FANCE: variants seen among roughly 807,000 people sequenced by gnomAD.
FANCE encodes FA complementation group E, also known as Fanconi anemia group E protein.
Under a neutral mutation model 57.8 loss-of-function variants are expected in FANCE, and 42 were observed. The observed-to-expected ratio is 0.73, with a 90% CI of 0.57 to 0.94. The LOEUF (loss-of-function observed/expected upper bound fraction) is 0.94, where lower values mean the gene tolerates loss of function less well. Among genes scored for constraint, FANCE ranks in the 40% least tolerant of loss-of-function variants. FANCE has a pLI of 0.00. For synonymous variants in FANCE, 251 were observed against 286.4 expected, an observed-to-expected ratio of 0.88 and a Z score of 1.25; for missense variants, 608 against 661.8, an observed-to-expected ratio of 0.92 and a Z score of 0.89.
chr6:35,460,426 C>G, intron 7 of FANCE, 126 bp from the exon 8 acceptor site: 1 of 912,582 alleles, frequency 1.1e-6, no homozygotes, highest in Non-Finnish European at 1.8e-6. Context: ...CCTGACTACC[C>G]CTTTGTTGGC....
chr6:35,462,723 A>AATCCC, intron 8 of FANCE, 66 bp from the exon 9 acceptor site: 1 of 1,609,474 alleles, frequency 6.2e-7, no homozygotes, highest in South Asian at 1.1e-5. Flanking sequence ...AATTGAATCC[A>AATCCC]GGACTGGCTG....
chr6:35,461,298 A>G (rs1005852187), intron 8 of FANCE, among the ~76,000 whole-genome samples: 10 of 152,244 alleles, frequency 6.6e-5, no homozygotes, highest in African/African-American at 2.4e-4. Flanking sequence ...GGCTGGGATT[A>G]AAAGCGTGAG....
Position 35,466,593 on chromosome 6 carries a change from A to G in FANCE, c.*248A>G. 6.0e-6 allele frequency: 3 copies of G among 499,178 alleles called. No individual in the cohort carries two copies. Among genetic ancestry groups the G allele is most frequent in the East Asian group, 7.0e-5 (2 of 28,702 alleles). 30.9% of individuals were successfully genotyped at this position (499,178 alleles called of 1,614,324 possible). On this transcript the variant is annotated 3_prime_UTR_variant, in exon 10 of 10. Transcript: ENST00000229769. Reference sequence around the variant, plus strand: ...ATTTCTTTTGTTTTTGAGAGAAGGTATTGCTCTGTCATCCAGGCTGGAGTG... The same window carrying G: ...ATTTCTTTTGTTTTTGAGAGAAGGTGTTGCTCTGTCATCCAGGCTGGAGTG...
chr6:35,459,471 C>G lies in FANCE; in HGVS notation c.1237+17C>G, dbSNP rs1767500334. ...CAGGCACAGGTAATTCTGGAACCAG[C>G]CCCAGGCCCAGTAGCTCTGCCCTCA... On this transcript the variant is annotated intron_variant, in intron 6 of 9. Coordinates refer to ENST00000229769, the MANE Select transcript of FANCE (RefSeq NM_021922.3). 3.7e-6 allele frequency: 6 copies of G among 1,613,722 alleles called. No homozygotes were observed. Among genetic ancestry groups the G allele is most frequent in the Non-Finnish European group, 5.1e-6 (6 of 1,180,022 alleles).
At chr6:35,454,232 T>G (rs1767231760) in intron 1 of FANCE, among the ~76,000 whole-genome samples, 1 of 152,130 alleles carries the variant, frequency 6.6e-6, no homozygotes. Context: ...CAGCTAATTT[T>G]TGTATTTTTA....
chr6:35,459,491 C>T (rs1198486561), intron 6 of FANCE, 37 bp downstream of exon 6: 1 of 1,613,490 alleles, frequency 6.2e-7, no homozygotes, highest in Non-Finnish European at 8.5e-7. Flanking sequence ...AGTAGCTCTG[C>T]CCTCAGTGTT....
rs1268305023 is a variant in FANCE, at chr6:35,466,707, T to A, written c.*362T>A. ...AGCCTCCCAAGTAGCTGGGACTACATGCACATGACACTATGCCCAGCTAAT... is the reference window on the plus strand; with the variant it reads ...AGCCTCCCAAGTAGCTGGGACTACAAGCACATGACACTATGCCCAGCTAAT... On this transcript the variant is annotated 3_prime_UTR_variant, in exon 10 of 10. Coordinates refer to ENST00000229769, the MANE Select transcript of FANCE (RefSeq NM_021922.3). 2 of 404,620 alleles carry A rather than the reference T, an allele frequency of 4.9e-6. No individual in the cohort carries two copies. The highest frequency in any genetic ancestry group is 4.6e-6 in the Non-Finnish European group (1 of 216,412). 25.1% of individuals were successfully genotyped at this position (404,620 alleles called of 1,614,324 possible). A position where few individuals can be genotyped will look rare whatever the true frequency, so the allele number is the denominator to read the frequency against.
rs1257138623 is a variant in FANCE at position 35,457,549 on chromosome 6, T to C, written c.856-7T>C. 6.2e-7 allele frequency: 1 copy of C among 1,613,758 alleles called. No individual in the cohort carries two copies. Among genetic ancestry groups the C allele is most frequent in the South Asian group, 1.1e-5 (1 of 91,070 alleles). On this transcript the variant is annotated splice_polypyrimidine_tract_variant and splice_region_variant and intron_variant, in intron 2 of 9. Transcript: ENST00000229769. ...GGACGTAGCAGTGACTGGGCTCTCC[T>C]CCACAGGACCAGCTTCCCAGGCTGC...
At chr6:35,457,497 G>T (rs45478194) in intron 2 of FANCE, 59 bp from the exon 3 acceptor site, 1,123 of 1,594,174 alleles carry the variant, frequency 7.0e-4, no homozygotes, top group Non-Finnish European at 9.3e-4. Flanking sequence ...AGCCAGAACC[G>T]GGCTTGGGGT....
intron 9 of FANCE, among the ~76,000 whole-genome samples, chr6:35,464,728 CTTTTTT>C (rs59541412): frequency 9.3e-6 from 1 of 107,822 alleles, no homozygotes; most frequent in Non-Finnish European, 1.8e-5. Flanking sequence ...GAGAGATATT[CTTTTTT>C]TTTTTTTTTT....
At chr6:35,464,213 C>A (rs989663433) in intron 9 of FANCE, among the ~76,000 whole-genome samples, 9 of 144,872 alleles carry the variant, frequency 6.2e-5, no homozygotes, top group Non-Finnish European at 1.2e-4. Context: ...TTTAATTTTT[C>A]AAAAATAGAG....
At chr6:35,459,521 G>T in intron 6 of FANCE, 67 bp downstream of exon 6, 1 of 1,611,802 alleles carries the variant, frequency 6.2e-7, no homozygotes, top group Non-Finnish European at 8.5e-7. Context: ...CTTCACCCCA[G>T]AGTGGCCCTG....
At position 35,466,646 on chromosome 6, in the gene FANCE, G is replaced by A; in HGVS notation, c.*301G>A. 1 of 441,412 alleles carries A rather than the reference G, an allele frequency of 2.3e-6. No individual in the cohort carries two copies. The highest frequency in any genetic ancestry group is 4.2e-6 in the Non-Finnish European group (1 of 236,292). The allele number at this position is 441,412 out of a possible 1,614,324, so 27.3% of individuals were successfully genotyped here. ...GTGATGCGATTGATCATGGCTCACT[G>A]TAACCTCTGCCTCCCAGGCTCGATC... On this transcript the variant is annotated 3_prime_UTR_variant, in exon 10 of 10. Transcript: ENST00000229769.
Position 35,456,519 on chromosome 6 carries a change from C to CT in FANCE, c.855+178dup, listed in dbSNP as rs373252078. ...GAATGTAGCCTCCACTCTACAGACTCTTTTTTTTTTTTGAGATGGAGTTTT... is the reference window on the plus strand; with the variant it reads ...GAATGTAGCCTCCACTCTACAGACTCTTTTTTTTTTTTTGAGATGGAGTTTT... On this transcript the variant is annotated intron_variant, in intron 2 of 9. Coordinates refer to ENST00000229769, the MANE Select transcript of FANCE (RefSeq NM_021922.3). This position sits in a 1 kb window ranked among gnomAD's most constrained non-coding sequence, Gnocchi z 4.3. Among the ~76,000 whole-genome samples the CT allele has an allele frequency of 0.011, 1,545 of 144,998 alleles. 26 individuals carry two copies. The highest frequency in any genetic ancestry group is 0.033 in the African/African-American group (1,324 of 39,724).
intron 1 of FANCE, 45 bp downstream of exon 1, chr6:35,452,838 G>T (rs1767166368): frequency 7.8e-7 from 1 of 1,282,570 alleles, no homozygotes; most frequent in Non-Finnish European, 9.9e-7. Context: ...GGAGGCGGGG[G>T]GCTGTCGGGG....
chr6:35,464,098 A>G (rs1275812113), intron 9 of FANCE, among the ~76,000 whole-genome samples: 1 of 152,138 alleles, frequency 6.6e-6, no homozygotes, highest in Non-Finnish European at 1.5e-5. Context: ...GAGCCTAAAA[A>G]TGTGAGAATG....
intron 7 of FANCE, 21 bp downstream of exon 7, chr6:35,459,781 G>C: frequency 6.2e-7 from 1 of 1,608,918 alleles, no homozygotes; most frequent in Non-Finnish European, 8.5e-7. Context: ...AGGCCTCCGT[G>C]CTGTCCCCAC....
At chr6:35,454,575 G>A (rs1023290238) in intron 1 of FANCE, among the ~76,000 whole-genome samples, 4 of 152,138 alleles carry the variant, frequency 2.6e-5, no homozygotes, top group Admixed American at 6.5e-5. Flanking sequence ...CTCAGGTCAC[G>A]TAGGATCTGG....
chr6:35,465,055 C>T (rs1029247227), intron 9 of FANCE, among the ~76,000 whole-genome samples: 4 of 151,458 alleles, frequency 2.6e-5, no homozygotes, highest in African/African-American at 4.9e-5. Flanking sequence ...CTTATTATTC[C>T]GTTTCATAGA....
Sources: allele counts gnomAD v4.1 joint callset (sites outside exome capture counted in the v4.1 genomes callset), GRCh38; gene constraint gnomAD v4.1.1; non-coding constraint Gnocchi (gnomAD v3.1); transcripts MANE v1.5; gene names NCBI Gene and HGNC (gene_info 2026-07-23, HGNC 2026-07-21).